The following NIPSNAP1 variants were observed in gnomAD, a reference collection of about 807,000 sequenced individuals.
NIPSNAP1 encodes the protein protein NipSnap homolog 1.
A neutral mutation model predicts 49.2 loss-of-function variants in NIPSNAP1; 25 were observed. The ratio of observed to expected loss-of-function variants is 0.51; its 90% CI spans 0.37 to 0.71. The LOEUF (loss-of-function observed/expected upper bound fraction) is 0.71, where lower values mean the gene tolerates loss of function less well. Ranked by LOEUF, NIPSNAP1 falls within the 30% of genes least tolerant of loss-of-function variation. The pLI is 0.00. For synonymous variants in NIPSNAP1, 143 were observed against 140.7 expected (o/e 1.02, Z -0.12); for missense variants, 294 against 361.0 (o/e 0.81, Z 1.50).
intron 1 of NIPSNAP1, among the ~76,000 whole-genome samples, chr22:29,578,042 G>T (rs2064468186): frequency 1.3e-5 from 2 of 150,870 alleles, no homozygotes; most frequent in African/African-American, 5.0e-5. Context: ...GGGATTACAG[G>T]CGCACACACC....
At chr22:29,561,268 G>T in intron 6 of NIPSNAP1, 66 bp from the exon 7 acceptor site, 1 of 1,590,086 alleles carries the variant, frequency 6.3e-7, no homozygotes, top group Non-Finnish European at 8.6e-7. Flanking sequence ...TCACAGCTTG[G>T]CAAGGAAGGG....
chr22:29,576,398 C>T (rs901533599), intron 1 of NIPSNAP1, among the ~76,000 whole-genome samples: 2 of 149,264 alleles, frequency 1.3e-5, no homozygotes, highest in Non-Finnish European at 3.0e-5. Context: ...AAAAAAAACA[C>T]TATACTTTTT....
chr22:29,564,744 C>T (rs1371919127), intron 4 of NIPSNAP1, among the ~76,000 whole-genome samples: 1 of 152,138 alleles, frequency 6.6e-6, no homozygotes, highest in Non-Finnish European at 1.5e-5. Context: ...AACTGTGGTG[C>T]TCTCCATAGG....
intron 7 of NIPSNAP1, 46 bp from the exon 8 acceptor site, chr22:29,560,874 G>C: frequency 6.5e-7 from 1 of 1,545,086 alleles, no homozygotes; most frequent in Non-Finnish European, 8.9e-7. Flanking sequence ...GGCTGGTGCA[G>C]AGGGTACTGA....
chr22:29,555,918 T>G lies in NIPSNAP1; in HGVS notation c.*17A>C, dbSNP rs1404801796. ...TGCCTGAGGGAGAAGGGGAAGGAGGTGGAGGTGTAGGCAGCATCACTGCAG... is the reference window on the plus strand; with the variant it reads ...TGCCTGAGGGAGAAGGGGAAGGAGGGGGAGGTGTAGGCAGCATCACTGCAG... On this transcript the variant is annotated 3_prime_UTR_variant, in exon 10 of 10. Transcript: ENST00000216121. 7.1e-6 allele frequency: 11 copies of G among 1,549,456 alleles called. No homozygotes were observed. The South Asian group carries it at 1.3e-4, about 18-fold the overall frequency.
chr22:29,570,225 G>A lies in NIPSNAP1; in HGVS notation c.227-18C>T. ...ATTGTGAACTGCAACAGAGGACAGA[G>A]AACAAGAAGTGAGGTAGGGTGTGTA... On this transcript the variant is annotated intron_variant, in intron 2 of 9. Transcript: ENST00000216121. The A allele has an allele frequency of 1.9e-6, 3 of 1,613,862 alleles. No individual in the cohort carries two copies. Among genetic ancestry groups the A allele is most frequent in the African/African-American group, 1.3e-5 (1 of 75,008 alleles).
intron 1 of NIPSNAP1, among the ~76,000 whole-genome samples, chr22:29,575,942 G>C (rs2064448718): frequency 6.6e-6 from 1 of 151,462 alleles, no homozygotes; most frequent in Non-Finnish European, 1.5e-5. Flanking sequence ...TCGAACTCTT[G>C]ACCTCAGGTG....
chr22:29,561,728 C>T, intron 5 of NIPSNAP1, 64 bp downstream of exon 5: 3 of 1,613,278 alleles, frequency 1.9e-6, no homozygotes, highest in Non-Finnish European at 1.7e-6. Context: ...GCAGAGTAGT[C>T]CCCAGAACAG....
At chr22:29,574,022 G>A (rs572498843) in intron 1 of NIPSNAP1, among the ~76,000 whole-genome samples, 1 of 152,008 alleles carries the variant, frequency 6.6e-6, no homozygotes, top group South Asian at 2.1e-4. Flanking sequence ...TTGGGAGGCT[G>A]AGGCGGGCAG....
chr22:29,575,754 G>A (rs1365406196), intron 1 of NIPSNAP1, among the ~76,000 whole-genome samples: 16 of 150,832 alleles, frequency 1.1e-4, no homozygotes, highest in East Asian at 3.9e-4. Flanking sequence ...TCAGTCTGTC[G>A]TCCAGGCTGT....
At chr22:29,574,313 T>G (rs695668) in intron 1 of NIPSNAP1, among the ~76,000 whole-genome samples, 27,724 of 95,552 alleles carry the variant, frequency 0.29, 3,680 homozygotes, top group East Asian at 0.64. Flanking sequence ...GAAAAGAAAA[T>G]AAATTACTTG....
intron 1 of NIPSNAP1, among the ~76,000 whole-genome samples, chr22:29,576,642 T>C (rs1272522956): frequency 2.0e-5 from 3 of 151,298 alleles, no homozygotes; most frequent in African/African-American, 7.4e-5. Flanking sequence ...TGGTAGACCT[T>C]AGGCTGGGCG....
intron 1 of NIPSNAP1, among the ~76,000 whole-genome samples, chr22:29,577,069 C>A (rs770760761): frequency 6.6e-6 from 1 of 150,438 alleles, no homozygotes; most frequent in East Asian, 2.0e-4. Context: ...AGCTCAGCTT[C>A]ATCTTTCTTT....
rs781058121 is a variant in NIPSNAP1, at chr22:29,570,584, C to A, written c.99-52G>T. The A allele has an allele frequency of 5.7e-6, 9 of 1,585,678 alleles. No individual in the cohort carries two copies. The South Asian group carries it at 1.0e-4, about 18-fold the overall frequency. On this transcript the variant is annotated intron_variant, in intron 1 of 9. Transcript: ENST00000216121. ...CGCGCGGAGGTTGGGGGAGCCCCAG[C>A]AATTCCATCCACTTGGATGTCCTGC...
intron 1 of NIPSNAP1, among the ~76,000 whole-genome samples, chr22:29,575,710 GTT>G (rs55772657): frequency 0.48 from 70,284 of 146,602 alleles, 16,659 homozygotes; most frequent in East Asian, 0.73. Context: ...CCCAGGAGTT[GTT>G]TTTTTTTTTT....
At chr22:29,558,401 G>A (rs182836879) in intron 9 of NIPSNAP1, among the ~76,000 whole-genome samples, 6 of 152,008 alleles carry the variant, frequency 3.9e-5, no homozygotes, top group Non-Finnish European at 7.4e-5. Context: ...CCTGGGAGGC[G>A]GAGGCTACAG....
chr22:29,566,104 G>A (rs1339025058), intron 4 of NIPSNAP1, among the ~76,000 whole-genome samples: 1 of 151,836 alleles, frequency 6.6e-6, no homozygotes, highest in Non-Finnish European at 1.5e-5. Context: ...GTGAGCATTT[G>A]AAATGTAGCT....
intron 4 of NIPSNAP1, among the ~76,000 whole-genome samples, chr22:29,566,244 G>C (rs1403050018): frequency 6.6e-6 from 1 of 151,542 alleles, no homozygotes; most frequent in African/African-American, 2.4e-5. Context: ...GGCCTCAAGT[G>C]TTCCTCCCAC....
intron 4 of NIPSNAP1, among the ~76,000 whole-genome samples, chr22:29,566,160 C>T (rs77354992): frequency 6.7e-6 from 1 of 149,028 alleles, no homozygotes; most frequent in African/African-American, 2.5e-5. Flanking sequence ...ATCTTTTCTT[C>T]TTTTTTTTTT....
Sources: gnomAD v4.1 joint callset for allele counts (sites outside exome capture counted in the v4.1 genomes callset) on GRCh38, gnomAD v4.1.1 for gene constraint, MANE v1.5 for transcripts, NCBI Gene and HGNC (gene_info 2026-07-23, HGNC 2026-07-21) for gene names.